PRKCH: variants seen among roughly 807,000 people sequenced by gnomAD.
PRKCH encodes the protein protein kinase C eta type.
PRKCH carries 28 observed loss-of-function variants against 82.5 expected under a neutral mutation model. The observed-to-expected ratio is 0.34, with a 90% CI of 0.25 to 0.47. The LOEUF (loss-of-function observed/expected upper bound fraction) is 0.47, where lower values mean the gene tolerates loss of function less well. Ranked by LOEUF, PRKCH falls within the 20% of genes least tolerant of loss-of-function variation. PRKCH has a pLI of 1.00. For missense variants in PRKCH, 705 were observed against 881.8 expected (o/e 0.80, Z 2.54); for synonymous variants, 322 against 327.4 (o/e 0.98, Z 0.18).
rs751103757 is a variant in PRKCH at position 61,363,980 on chromosome 14, GTA to G, written c.364-27241_364-27240del. 6.2e-3 allele frequency among the ~76,000 whole-genome samples: 92 copies of G among 14,878 alleles called. 1 individual carries two copies. Among genetic ancestry groups the G allele is most frequent in the Admixed American group, 0.012 (13 of 1,130 alleles). 9.8% of individuals were successfully genotyped at this position (14,878 alleles called of 152,430 possible). On this transcript the variant is annotated intron_variant, in intron 1 of 13. Transcript: ENST00000332981. ...TATATATATACGTGTGCATGTGTGT[GTA>G]TATGTGTGTGTGTATATATATATTT...
chr14:61,256,409 G>A (rs2044998216), intron 1 of PRKCH, among the ~76,000 whole-genome samples: 1 of 152,144 alleles, frequency 6.6e-6, no homozygotes, highest in South Asian at 2.1e-4. Context: ...CGTCAGTGAA[G>A]CCCACCGCCT....
intron 1 of PRKCH, among the ~76,000 whole-genome samples, chr14:61,263,899 G>GTA (rs2045073259): frequency 1.4e-5 from 2 of 139,650 alleles, no homozygotes; most frequent in Admixed American, 1.4e-4. Context: ...GTGTGTGTAT[G>GTA]TGTGTGTACG....
intron 1 of PRKCH, among the ~76,000 whole-genome samples, chr14:61,263,189 C>T (rs1264179156): frequency 1.3e-5 from 2 of 152,202 alleles, no homozygotes; most frequent in Non-Finnish European, 2.9e-5. Flanking sequence ...CTTATTCCCT[C>T]TCATTCAAAG....
Position 61,245,131 on chromosome 14 carries a change from C to A in PRKCH, c.-19+57463C>A, listed in dbSNP as rs187597047. ...AGTTACATGCTTAGACAAGAAATAC[C>A]TGTTGATGGAGTGGTTATGAATTAC... On this transcript the variant is annotated intron_variant, in intron 1 of 3. Transcript: ENST00000555185. Among the ~76,000 whole-genome samples the A allele has an allele frequency of 7.2e-5, 11 of 152,246 alleles. No individual in the cohort carries two copies. In the East Asian group the frequency reaches 1.9e-3, roughly 27 times the overall value.
intron 1 of PRKCH, among the ~76,000 whole-genome samples, chr14:61,231,108 C>G (rs1157629405): frequency 6.6e-6 from 1 of 152,234 alleles, no homozygotes; most frequent in Non-Finnish European, 1.5e-5. Flanking sequence ...GACTCTGGAA[C>G]AGATTGACTG....
intron 1 of PRKCH, among the ~76,000 whole-genome samples, chr14:61,190,454 C>G (rs1162680858): frequency 1.3e-5 from 2 of 152,198 alleles, no homozygotes; most frequent in South Asian, 2.1e-4. Flanking sequence ...ATTCTCTAAA[C>G]AGCAGTCAGT....
chr14:61,199,080 G>A (rs970347488), intron 1 of PRKCH, among the ~76,000 whole-genome samples: 1 of 152,114 alleles, frequency 6.6e-6, no homozygotes, highest in Non-Finnish European at 1.5e-5. Flanking sequence ...GTAGGGGAAA[G>A]AAATGTGTCT....
At chr14:61,213,784 C>A (rs1352416443) in intron 1 of PRKCH, among the ~76,000 whole-genome samples, 8 of 152,156 alleles carry the variant, frequency 5.3e-5, no homozygotes, top group African/African-American at 1.4e-4. Context: ...GAATCTGAAA[C>A]AAAATGGACT....
chr14:61,432,764 G>A (rs12590817), intron 2 of PRKCH, among the ~76,000 whole-genome samples: 30,684 of 152,096 alleles, frequency 0.2, 3,442 homozygotes, highest in Admixed American at 0.35. Context: ...GACTTCCAGA[G>A]TCCCTCGCTA....
chr14:61,457,608 G>A lies in PRKCH; in HGVS notation c.1207G>A (p.Glu403Lys), dbSNP rs746595259. The change falls in exon 9 of 14, where the codon GAG (glutamate) becomes AAG (lysine). Residue 403 changes from glutamate to lysine, a missense_variant. Glu to Lys is a moderately conservative substitution (Grantham distance 56, BLOSUM62 1). Coordinates refer to ENST00000332981, the MANE Select transcript of PRKCH (RefSeq NM_006255.5). Reference protein sequence around the residue: ...QDDDVECTMTEKRILSLARNH... With the variant: ...QDDDVECTMTKKRILSLARNH... ...TGATGATGTGGAATGCACCATGACC[G>A]AGAAAAGGATCCTGTCTCTGGCCCG... The A allele has an allele frequency of 3.1e-6, 5 of 1,614,156 alleles. No individual in the cohort carries two copies. Among genetic ancestry groups the A allele is most frequent in the South Asian group, 1.1e-5 (1 of 91,070 alleles).
intron 1 of PRKCH, among the ~76,000 whole-genome samples, chr14:61,389,308 G>A (rs2046637035): frequency 6.6e-6 from 1 of 151,548 alleles, no homozygotes. Flanking sequence ...CATGATTGCA[G>A]CATTGAAGTC....
intron 1 of PRKCH, among the ~76,000 whole-genome samples, chr14:61,201,477 A>G (rs878912302): frequency 6.6e-6 from 1 of 152,056 alleles, no homozygotes; most frequent in South Asian, 2.1e-4. Context: ...CGCTTTTTTG[A>G]TTTTTTAAAG....
At chr14:61,437,536 G>A (rs1787526037) in intron 2 of PRKCH, among the ~76,000 whole-genome samples, 1 of 152,206 alleles carries the variant, frequency 6.6e-6, no homozygotes, top group Non-Finnish European at 1.5e-5. Flanking sequence ...AGTCAACGGA[G>A]TCTGGTGTCC....
At position 61,493,481 on chromosome 14, in the gene PRKCH, A is replaced by G. The variant is rs534970463; in HGVS notation, c.1433+7825A>G. Among the ~76,000 whole-genome samples the G allele has an allele frequency of 5.9e-5, 9 of 152,328 alleles. No individual in the cohort carries two copies. The South Asian group carries it at 1.9e-3, about 32-fold the overall frequency. ...ATGGAATTGGCCAGAACTTGATCAT[A>G]TGGCTGAGTCTAGCTCCAGTGAAAG... On this transcript the variant is annotated intron_variant, in intron 10 of 13. Coordinates refer to ENST00000332981, the MANE Select transcript of PRKCH (RefSeq NM_006255.5).
intron 7 of PRKCH, among the ~76,000 whole-genome samples, chr14:61,453,738 C>T (rs1884629761): frequency 6.6e-6 from 1 of 151,810 alleles, no homozygotes; most frequent in South Asian, 2.1e-4. Flanking sequence ...TCTGCAGACT[C>T]GACTGCCTAG....
chr14:61,550,163 G>A lies in PRKCH; in HGVS notation c.*332G>A, dbSNP rs1409621621. 4.9e-6 allele frequency: 1 copy of A among 204,764 alleles called. No individual in the cohort carries two copies. The highest frequency in any genetic ancestry group is 9.9e-6 in the Non-Finnish European group (1 of 101,104). 12.7% of individuals were successfully genotyped at this position (204,764 alleles called of 1,614,324 possible). On this transcript the variant is annotated 3_prime_UTR_variant, in exon 14 of 14. Transcript: ENST00000332981. ...ATAAAGTAGATCTGAGAAATTCTGA[G>A]CCAATCAGGCTTCTTAATTCAAGAG... is the stretch of plus-strand genomic sequence containing the variant.
rs191563398 is a variant in PRKCH, at chr14:61,361,612, A to T, written c.364-29613A>T. On this transcript the variant is annotated intron_variant, in intron 1 of 13. Transcript: ENST00000332981. ...AGAGGCAGTATAGGTAGATAGGAAC[A>T]TGGGCTTGGGATCAGATAGACTGGG... Among the ~76,000 whole-genome samples the T allele has an allele frequency of 1.6e-4, 25 of 152,300 alleles. 1 individual carries two copies. In the East Asian group the frequency reaches 4.1e-3, roughly 25 times the overall value.
intron 1 of PRKCH, among the ~76,000 whole-genome samples, chr14:61,198,789 T>C (rs1234766047): frequency 6.6e-6 from 1 of 152,164 alleles, no homozygotes; most frequent in Non-Finnish European, 1.5e-5. Context: ...AAGGCTATGT[T>C]TGGAAAATGG....
intron 4 of PRKCH, among the ~76,000 whole-genome samples, chr14:61,446,181 A>C (rs1382411658): frequency 6.6e-6 from 1 of 152,170 alleles, no homozygotes; most frequent in African/African-American, 2.4e-5. Flanking sequence ...TTCAAAAAAA[A>C]AAAAAAAAAG....
Sources: allele counts gnomAD v4.1 joint callset (sites outside exome capture counted in the v4.1 genomes callset), GRCh38; gene constraint gnomAD v4.1.1; transcripts MANE v1.5; gene names NCBI Gene and HGNC (gene_info 2026-07-23, HGNC 2026-07-21).